Variants in DMC1 observed in about 807,000 individuals in gnomAD.
DMC1 encodes DNA meiotic recombinase 1, also known as meiotic recombination protein DMC1 homolog.
A neutral mutation model predicts 50.1 loss-of-function variants in DMC1; 27 were observed. The ratio of observed to expected loss-of-function variants is 0.54; its 90% confidence interval spans 0.40 to 0.74. DMC1 has a LOEUF of 0.74. Ranked by LOEUF, DMC1 falls within the 30% of genes least tolerant of loss-of-function variation. DMC1 has a pLI of 0.00. For synonymous variants in DMC1, 148 were observed against 136.1 expected, an observed-to-expected ratio of 1.09 and a Z score of -0.61; for missense variants, 295 against 420.2, an observed-to-expected ratio of 0.70 and a Z score of 2.60.
chr22:38,528,369 C>A (rs1447746558), intron 12 of DMC1, among the ~76,000 whole-genome samples: 1 of 151,832 alleles, frequency 6.6e-6, no homozygotes. Flanking sequence ...TGGCCTGAAT[C>A]TTGAATATTA....
In DMC1 at chr22:38,567,631, A is replaced by T. The variant is rs1569173264; in HGVS notation, c.52-4T>A. The T allele has an allele frequency of 6.2e-7, 1 of 1,603,232 alleles. No homozygotes were observed. Among genetic ancestry groups the T allele is most frequent in the Non-Finnish European group, 8.5e-7 (1 of 1,170,086 alleles). The stretch of plus-strand genomic sequence containing the variant: ...CAATATCTTGAAACAAAGATTCCTA[A>T]AGGAGATGAAACAGAAAAAATGAAG... On this transcript the variant is annotated splice_region_variant and splice_polypyrimidine_tract_variant and intron_variant, in intron 2 of 13. Coordinates refer to ENST00000216024, the MANE Select transcript of DMC1 (RefSeq NM_007068.4).
At chr22:38,553,226 C>A (rs1459318580) in intron 6 of DMC1, among the ~76,000 whole-genome samples, 1 of 150,668 alleles carries the variant, frequency 6.6e-6, no homozygotes, top group Admixed American at 6.6e-5. Context: ...AGGCCGGGCG[C>A]GGTGGCTTAT....
chr22:38,539,254 C>T, intron 9 of DMC1, 67 bp downstream of exon 9: 14 of 1,104,372 alleles, frequency 1.3e-5, no homozygotes, highest in Non-Finnish European at 1.8e-5. Flanking sequence ...TGTTGTATCC[C>T]TCAAGTAGTA....
At chr22:38,538,964 AGT>A (rs1326366152) in intron 9 of DMC1, among the ~76,000 whole-genome samples, 2 of 151,482 alleles carry the variant, frequency 1.3e-5, no homozygotes, top group Non-Finnish European at 2.9e-5. Context: ...TGAAGCCAGG[AGT>A]TGGAGGTTGC....
At chr22:38,532,965 A>G (rs1010819894) in intron 12 of DMC1, among the ~76,000 whole-genome samples, 1 of 152,184 alleles carries the variant, frequency 6.6e-6, no homozygotes, top group Non-Finnish European at 1.5e-5. Flanking sequence ...ATTGTTACAT[A>G]GTAGATTTTC....
chr22:38,535,226 G>T (rs919741788), intron 12 of DMC1, among the ~76,000 whole-genome samples: 1 of 151,924 alleles, frequency 6.6e-6, no homozygotes, highest in African/African-American at 2.4e-5. Flanking sequence ...CTGAACCTGG[G>T]AGGCGGAGAC....
chr22:38,555,079 G>T (rs1160147398), intron 6 of DMC1, among the ~76,000 whole-genome samples: 1 of 141,478 alleles, frequency 7.1e-6, no homozygotes, highest in Non-Finnish European at 1.5e-5. Flanking sequence ...GACACAGCGA[G>T]ACTCCGTCTC....
intron 4 of DMC1, among the ~76,000 whole-genome samples, chr22:38,566,230 C>T (rs1285263099): frequency 2.7e-5 from 4 of 148,488 alleles, no homozygotes; most frequent in Admixed American, 6.8e-5. Context: ...GCTGAGATCA[C>T]GCCACTGCAC....
At chr22:38,553,309 T>C (rs1011783444) in intron 6 of DMC1, among the ~76,000 whole-genome samples, 1 of 147,012 alleles carries the variant, frequency 6.8e-6, no homozygotes, top group Non-Finnish European at 1.5e-5. Context: ...CCATCCTGGC[T>C]AACACTGTGT....
downstream of DMC1, among the ~76,000 whole-genome samples, chr22:38,515,500 A>G (rs2089971073): frequency 6.6e-6 from 1 of 150,732 alleles, no homozygotes. Context: ...AAGAAAGAAA[A>G]AAGGGAAAAA....
chr22:38,553,208 A>T (rs913049120), intron 6 of DMC1, among the ~76,000 whole-genome samples: 1 of 151,290 alleles, frequency 6.6e-6, no homozygotes, highest in Admixed American at 6.6e-5. Context: ...CATATAAATG[A>T]AAGTTTAAGG....
chr22:38,568,079 A>G (rs2090598716), intron 2 of DMC1, 127 bp downstream of exon 2: 1 of 832,000 alleles, frequency 1.2e-6, no homozygotes, highest in South Asian at 1.5e-5. Flanking sequence ...AAGTTGTTAC[A>G]TATTTGCAAT....
At chr22:38,522,318 G>A (rs1169666494) in intron 12 of DMC1, among the ~76,000 whole-genome samples, 5 of 151,522 alleles carry the variant, frequency 3.3e-5, no homozygotes, top group Admixed American at 6.6e-5. Flanking sequence ...CACTTTGGGA[G>A]GTCGAGGTGG....
intron 5 of DMC1, among the ~76,000 whole-genome samples, chr22:38,557,956 CTTTTTTT>C (rs753724944): frequency 4.8e-5 from 3 of 62,698 alleles, no homozygotes; most frequent in African/African-American, 1.2e-4. Flanking sequence ...AGACAAAGTT[CTTTTTTT>C]TTTTTTTTTT....
chr22:38,523,347 CA>C (rs1245248312), intron 12 of DMC1, among the ~76,000 whole-genome samples: 1 of 152,196 alleles, frequency 6.6e-6, no homozygotes, highest in African/African-American at 2.4e-5. Context: ...CTTAACTTTT[CA>C]GGTCACCCTA....
chr22:38,563,524 C>T (rs888693235), intron 4 of DMC1, among the ~76,000 whole-genome samples: 3 of 152,182 alleles, frequency 2.0e-5, no homozygotes, highest in East Asian at 3.9e-4. Context: ...TCCTCTCTCT[C>T]TGTCTCTCTC....
At chr22:38,545,022 G>C (rs2090328676) in intron 8 of DMC1, among the ~76,000 whole-genome samples, 1 of 152,096 alleles carries the variant, frequency 6.6e-6, no homozygotes, top group Non-Finnish European at 1.5e-5. Flanking sequence ...ATATGAAAAG[G>C]TGCTCAATGT....
chr22:38,529,105 G>A (rs573912287), intron 12 of DMC1, among the ~76,000 whole-genome samples: 4 of 152,134 alleles, frequency 2.6e-5, no homozygotes, highest in Admixed American at 2.0e-4. Flanking sequence ...CCGCCTCCCA[G>A]GTTCAAGCGA....
intron 12 of DMC1, among the ~76,000 whole-genome samples, chr22:38,525,719 T>C (rs2090080638): frequency 1.3e-5 from 2 of 152,228 alleles, no homozygotes; most frequent in South Asian, 4.1e-4. Context: ...GGCAGGTAGA[T>C]CCCTTGAGCC....
Sources: allele counts gnomAD v4.1 joint callset (sites outside exome capture counted in the v4.1 genomes callset), GRCh38; gene constraint gnomAD v4.1.1; transcripts MANE v1.5; gene names NCBI Gene and HGNC (gene_info 2026-07-23, HGNC 2026-07-21).